CEP83: variants seen among roughly 807,000 people sequenced by gnomAD.
CEP83 encodes centrosomal protein of 83 kDa.
In CEP83, 70 loss-of-function variants were observed where a neutral mutation model predicts 101.9. The observed-to-expected ratio is 0.69, with a 90% CI of 0.57 to 0.84. CEP83 has a LOEUF of 0.84. Ranked by LOEUF, CEP83 falls within the 40% of genes least tolerant of loss-of-function variation. The probability of loss-of-function intolerance (pLI) is 0.00; values close to 1 mark genes in which losing one functional copy is unlikely to be tolerated. For missense variants in CEP83, 715 were observed against 787.2 expected, an observed-to-expected ratio of 0.91 and a Z score of 1.10; for synonymous variants, 264 against 267.9, an observed-to-expected ratio of 0.99 and a Z score of 0.14.
chr12:94,356,714 G>T (rs1275126909), intron 11 of CEP83, among the ~76,000 whole-genome samples: 1 of 152,206 alleles, frequency 6.6e-6, no homozygotes, highest in Non-Finnish European at 1.5e-5. Context: ...GTTAAGGAAT[G>T]TTACTGTTTC....
chr12:94,336,096 C>T (rs2059436753), intron 11 of CEP83, among the ~76,000 whole-genome samples: 1 of 152,154 alleles, frequency 6.6e-6, no homozygotes, highest in Admixed American at 6.6e-5. Flanking sequence ...AAAATTCTTT[C>T]AGACACACGC....
chr12:94,305,249 CT>C, downstream of CEP83: 1 of 1,611,032 alleles, frequency 6.2e-7, no homozygotes, highest in South Asian at 1.1e-5. Context: ...ATGTAAAAGT[CT>C]TATTTGATGA....
chr12:94,308,773 C>A lies in CEP83; in HGVS notation c.*40G>T, dbSNP rs751723353. On this transcript the variant is annotated 3_prime_UTR_variant, in exon 17 of 17. Coordinates refer to ENST00000397809, the MANE Select transcript of CEP83 (RefSeq NM_016122.3). ...TAAAATGTCAAGTTTTACTGAGTCA[C>A]CAACTTCACCTCTTTTGATCTGCCT... 1.5e-6 allele frequency: 2 copies of A among 1,363,160 alleles called. No individual in the cohort carries two copies. The allele number at this position is 1,363,160 out of a possible 1,614,324, so 84.4% of individuals were successfully genotyped here.
At chr12:94,267,957 T>C in the CEP83 span, among the ~76,000 whole-genome samples, 1 of 151,988 alleles carries the variant, frequency 6.6e-6, no homozygotes, top group Non-Finnish European at 1.5e-5. Flanking sequence ...AAAACCAAGG[T>C]GCGGTGAACA....
chr12:94,268,921 G>T, the CEP83 span, among the ~76,000 whole-genome samples: 1 of 151,992 alleles, frequency 6.6e-6, no homozygotes, highest in South Asian at 2.1e-4. Flanking sequence ...GCTCTGCTGG[G>T]TTTTTTTCCC....
At chr12:94,343,528 G>T (rs373468893) in intron 11 of CEP83, among the ~76,000 whole-genome samples, 12 of 138,040 alleles carry the variant, frequency 8.7e-5, no homozygotes, top group African/African-American at 3.4e-4. Context: ...TGTCGCCCAG[G>T]CCGGACTGCG....
At chr12:94,409,938 A>G (rs893361219) in intron 4 of CEP83, among the ~76,000 whole-genome samples, 4 of 152,208 alleles carry the variant, frequency 2.6e-5, no homozygotes, top group African/African-American at 9.6e-5. Context: ...TTACATCTGT[A>G]ATGAACCTAC....
At position 94,458,613 on chromosome 12, in the gene CEP83, C is replaced by T. The variant is rs2067886167; in HGVS notation, c.-155+944G>A. ...ATTAGCCGGGCATGGTGGCACGCAC[C>T]TGTAATCCCAGCTACTCGGGAGGCT... is the stretch of plus-strand genomic sequence containing the variant. On this transcript the variant is annotated intron_variant, in intron 1 of 16. Coordinates refer to ENST00000397809, the MANE Select transcript of CEP83 (RefSeq NM_016122.3). Among the ~76,000 whole-genome samples, 3 of 152,142 alleles carry T rather than the reference C, an allele frequency of 2.0e-5. No homozygotes were observed. In the South Asian group the frequency reaches 6.2e-4, roughly 31 times the overall value.
chr12:94,295,606 C>T, the CEP83 span, among the ~76,000 whole-genome samples: 1 of 152,146 alleles, frequency 6.6e-6, no homozygotes, highest in Non-Finnish European at 1.5e-5. Context: ...TACTCTAAAC[C>T]TCCTGTACCT....
chr12:94,278,772 C>T, the CEP83 span, among the ~76,000 whole-genome samples: 1 of 151,936 alleles, frequency 6.6e-6, no homozygotes, highest in African/African-American at 2.4e-5. Flanking sequence ...CTGAGGTGGG[C>T]AGATCACAAG....
chr12:94,311,445 T>C (rs1261427848), intron 15 of CEP83, among the ~76,000 whole-genome samples: 1 of 152,150 alleles, frequency 6.6e-6, no homozygotes, highest in Non-Finnish European at 1.5e-5. Context: ...GGTTACAACT[T>C]GGGGCTTATG....
chr12:94,393,612 C>T (rs111491385), intron 6 of CEP83, among the ~76,000 whole-genome samples: 10 of 152,044 alleles, frequency 6.6e-5, no homozygotes, highest in Non-Finnish European at 8.8e-5. Context: ...CAGTGTTGGA[C>T]GTTCTGGCCA....
intron 1 of CEP83, among the ~76,000 whole-genome samples, chr12:94,452,730 G>A (rs566657152): frequency 4.6e-5 from 7 of 152,208 alleles, no homozygotes; most frequent in South Asian, 4.2e-4. Context: ...AGAATATGAC[G>A]GGGGATGGGG....
In CEP83 at chr12:94,350,165, C is replaced by T. The variant is rs56271620; in HGVS notation, c.1344-14501G>A. ...CTATCCTAAAATTCGTATGGAATCT[C>T]AAGGCAACCCAAGTAGATGAAATAA... On this transcript the variant is annotated intron_variant, in intron 11 of 16. Transcript: ENST00000397809. Among the ~76,000 whole-genome samples the T allele has an allele frequency of 8.0e-3, 1,221 of 152,230 alleles. 14 individuals carry two copies. Among genetic ancestry groups the T allele is most frequent in the African/African-American group, 0.027 (1,140 of 41,538 alleles).
At chr12:94,358,148 G>A (rs1398523654) in intron 11 of CEP83, among the ~76,000 whole-genome samples, 2 of 152,194 alleles carry the variant, frequency 1.3e-5, no homozygotes, top group Non-Finnish European at 1.5e-5. Context: ...GTATATCAAA[G>A]TAGTTATATT....
chr12:94,313,548 A>AGG (rs1156997758), intron 14 of CEP83, among the ~76,000 whole-genome samples: 1 of 138,168 alleles, frequency 7.2e-6, no homozygotes, highest in Non-Finnish European at 1.6e-5. Flanking sequence ...AAAAAAAAAA[A>AGG]GGGTGGGGAG....
At chr12:94,452,601 C>T (rs1454436835) in intron 1 of CEP83, among the ~76,000 whole-genome samples, 2 of 152,042 alleles carry the variant, frequency 1.3e-5, no homozygotes, top group South Asian at 2.1e-4. Context: ...AAAAGAATAA[C>T]GTTGCTAATT....
intron 11 of CEP83, among the ~76,000 whole-genome samples, chr12:94,337,782 A>G (rs1443905896): frequency 1.3e-5 from 2 of 152,200 alleles, no homozygotes; most frequent in Admixed American, 1.3e-4. Context: ...GACGAAGAGT[A>G]TAGAGGAAGT....
In CEP83 at chr12:94,378,826, A is replaced by G; in HGVS notation, c.766T>C (p.Leu256=). 2.5e-6 allele frequency: 4 copies of G among 1,614,094 alleles called. No individual in the cohort carries two copies. In the South Asian group the frequency reaches 3.3e-5, roughly 13 times the overall value. ...ENAQRIQVRQ[L]AEMQATVRSL... ...CTGACTGTAGCCTGCATCTCAGCCAACTGCCGCACCTGTATTCTTTGGGCA... is the reference window on the plus strand; with the variant it reads ...CTGACTGTAGCCTGCATCTCAGCCAGCTGCCGCACCTGTATTCTTTGGGCA... The change falls in exon 7 of 17, where the codon TTG becomes CTG. Residue 256 remains leucine (L), a synonymous_variant. Transcript: ENST00000397809.
Sources: allele counts gnomAD v4.1 joint callset (sites outside exome capture counted in the v4.1 genomes callset), GRCh38; gene constraint gnomAD v4.1.1; transcripts MANE v1.5; gene names NCBI Gene and HGNC (gene_info 2026-07-23, HGNC 2026-07-21).